The following WDR33 variants were observed in gnomAD, a reference collection of about 807,000 sequenced individuals.
The protein encoded by WDR33 is pre-mRNA 3' end processing protein WDR33.
In WDR33, 47 loss-of-function variants were observed where a neutral mutation model predicts 164.9. The ratio of observed to expected loss-of-function variants is 0.29; its 90% CI spans 0.23 to 0.36. The LOEUF (loss-of-function observed/expected upper bound fraction) is 0.36, where lower values mean the gene tolerates loss of function less well. Among genes scored for constraint, WDR33 ranks in the 10% least tolerant of loss-of-function variants. The pLI is 1.00. For missense variants in WDR33, 1,137 were observed against 1,754.1 expected (o/e 0.65, Z 6.28); for synonymous variants, 505 against 589.0 (o/e 0.86, Z 2.06).
Position 127,722,452 on chromosome 2 carries a change from A to T in WDR33, c.1518+139T>A. On this transcript the variant is annotated intron_variant, in intron 14 of 21. Transcript: ENST00000322313. The surrounding 1 kb of genome is among the most constrained non-coding windows in gnomAD (Gnocchi z 5.1). The stretch of plus-strand genomic sequence containing the variant: ...TACAACTGCAAAGCAGTAGATGAGA[A>T]CCATGTCTAAGAGTACGTGAACATG... 1 of 1,198,474 alleles carries T rather than the reference A, an allele frequency of 8.3e-7. No homozygotes were observed. The highest frequency in any genetic ancestry group is 2.5e-5 in the Admixed American group (1 of 39,844). The allele number at this position is 1,198,474 out of a possible 1,614,324, so 74.2% of individuals were successfully genotyped here.
At chr2:127,742,044 T>C (rs1687032153) in intron 7 of WDR33, among the ~76,000 whole-genome samples, 1 of 150,856 alleles carries the variant, frequency 6.6e-6, no homozygotes, top group Non-Finnish European at 1.5e-5. Flanking sequence ...CTACTAAAAA[T>C]ACAAAAAATT....
chr2:127,791,053 A>G (rs928204734), intron 1 of WDR33, among the ~76,000 whole-genome samples: 2 of 151,914 alleles, frequency 1.3e-5, no homozygotes, highest in Non-Finnish European at 2.9e-5. Flanking sequence ...AGTCAAAATT[A>G]GGCTCCATGG....
rs910955937 is a variant in WDR33 at position 127,735,956 on chromosome 2, G to T, written c.725-9179C>A. ...TAAATGGAAAGTTAATTCTGGAAAG[G>T]GGGTATGCCTAGGCAGGGCAGTGTT... On this transcript the variant is annotated intron_variant, in intron 7 of 21. Coordinates refer to ENST00000322313, the MANE Select transcript of WDR33 (RefSeq NM_018383.5). The surrounding 1 kb of genome is among the most constrained non-coding windows in gnomAD (Gnocchi z 4.3). 2.0e-6 allele frequency: 2 copies of T among 985,286 alleles called. No individual in the cohort carries two copies. Among genetic ancestry groups the T allele is most frequent in the East Asian group, 2.3e-4 (2 of 8,832 alleles). The allele number at this position is 985,286 out of a possible 1,614,324, so 61.0% of individuals were successfully genotyped here.
At chr2:127,729,003 T>C (rs1461008577) in intron 7 of WDR33, among the ~76,000 whole-genome samples, 1 of 152,176 alleles carries the variant, frequency 6.6e-6, no homozygotes, top group African/African-American at 2.4e-5. Flanking sequence ...TTTCTAATGT[T>C]CTCTAAAATT....
intron 1 of WDR33, among the ~76,000 whole-genome samples, chr2:127,801,492 A>AAAAC (rs774475467): frequency 1.4e-5 from 2 of 146,254 alleles, no homozygotes; most frequent in Non-Finnish European, 3.0e-5. Flanking sequence ...CTGTCTCTAA[A>AAAAC]AAACAAACAA....
Position 127,713,057 on chromosome 2 carries a change from T to C in WDR33, c.3308+526A>G, listed in dbSNP as rs1181111394. ...CAGGCGTGAGCCACTGGTCCTGGGC[T>C]AATTCCTGTTTCTTTCTCCACATTT... On this transcript the variant is annotated intron_variant, in intron 18 of 21. Coordinates refer to ENST00000322313, the MANE Select transcript of WDR33 (RefSeq NM_018383.5). The surrounding 1 kb of genome is among the most constrained non-coding windows in gnomAD (Gnocchi z 6.2). Among the ~76,000 whole-genome samples, 4 of 152,344 alleles carry C rather than the reference T, an allele frequency of 2.6e-5. No homozygotes were observed. Among genetic ancestry groups the C allele is most frequent in the East Asian group, 3.9e-4 (2 of 5,188 alleles).
At chr2:127,807,194 T>G (rs1367999805) in intron 1 of WDR33, among the ~76,000 whole-genome samples, 1 of 152,072 alleles carries the variant, frequency 6.6e-6, no homozygotes, top group African/African-American at 2.4e-5. Context: ...TTAGTAGGGA[T>G]GGGGTTTCAC....
At position 127,705,549 on chromosome 2, in the gene WDR33, C is replaced by G. The variant is rs1376432933; in HGVS notation, c.*774G>C. 6 of 152,204 alleles carry G rather than the reference C, an allele frequency of 3.9e-5. No homozygotes were observed. The highest frequency in any genetic ancestry group is 3.9e-4 in the Admixed American group (6 of 15,278). The allele number at this position is 152,204 out of a possible 1,614,324, so 9.4% of individuals were successfully genotyped here. A position where few individuals can be genotyped will look rare whatever the true frequency, so the allele number is the denominator to read the frequency against. Reference sequence around the variant, plus strand: ...CTGACTAACATCAAGTTCCTCTCCTCATCATAACAAGGCGATTCAAACCTA... The same window carrying G: ...CTGACTAACATCAAGTTCCTCTCCTGATCATAACAAGGCGATTCAAACCTA... On this transcript the variant is annotated 3_prime_UTR_variant, in exon 22 of 22. Coordinates refer to ENST00000322313, the MANE Select transcript of WDR33 (RefSeq NM_018383.5). This position sits in a 1 kb window ranked among gnomAD's most constrained non-coding sequence, Gnocchi z 4.5.
intron 8 of WDR33, among the ~76,000 whole-genome samples, chr2:127,725,983 C>G (rs1686564055): frequency 6.6e-6 from 1 of 152,146 alleles, no homozygotes; most frequent in Non-Finnish European, 1.5e-5. Context: ...CTGGCCTGCA[C>G]AATGGATATC....
intron 18 of WDR33, among the ~76,000 whole-genome samples, chr2:127,711,599 A>C (rs977732513): frequency 6.7e-6 from 1 of 149,862 alleles, no homozygotes; most frequent in African/African-American, 2.5e-5. Flanking sequence ...GGGAGCCCTT[A>C]CGTCTTTATT....
chr2:127,707,855 T>C (rs1015623642), intron 21 of WDR33, among the ~76,000 whole-genome samples: 5 of 152,172 alleles, frequency 3.3e-5, no homozygotes, highest in African/African-American at 4.8e-5. Flanking sequence ...CTGGGGAGAC[T>C]GAGGCACAAG....
intron 7 of WDR33, among the ~76,000 whole-genome samples, chr2:127,750,923 T>C (rs1398498088): frequency 6.6e-6 from 1 of 151,434 alleles, no homozygotes; most frequent in Non-Finnish European, 1.5e-5. Flanking sequence ...CCTGCTAGAA[T>C]TTAAAAAACT....
In WDR33 at chr2:127,712,375, A is replaced by G. The variant is rs1167777277; in HGVS notation, c.3308+1208T>C. 6.6e-6 allele frequency among the ~76,000 whole-genome samples: 1 copy of G among 151,868 alleles called. No individual in the cohort carries two copies. Among genetic ancestry groups the G allele is most frequent in the Non-Finnish European group, 1.5e-5 (1 of 67,946 alleles). Reference sequence around the variant, plus strand: ...CGTGCCACTGCACTCCAGCCTGGCAACAGAGCAAGACTCCGTCTCAAGAAG... The same window carrying G: ...CGTGCCACTGCACTCCAGCCTGGCAGCAGAGCAAGACTCCGTCTCAAGAAG... On this transcript the variant is annotated intron_variant, in intron 18 of 21. Transcript: ENST00000322313. The surrounding 1 kb of genome is among the most constrained non-coding windows in gnomAD (Gnocchi z 4.0).
chr2:127,737,817 T>TTAA (rs760757039), intron 7 of WDR33: 8 of 1,354,938 alleles, frequency 5.9e-6, no homozygotes, highest in Non-Finnish European at 6.6e-6. Flanking sequence ...AAGGATACAC[T>TTAA]TCTTTTTAAT....
At chr2:127,757,364 TTAAA>T (rs2105424865) in intron 7 of WDR33, among the ~76,000 whole-genome samples, 1 of 152,326 alleles carries the variant, frequency 6.6e-6, no homozygotes, top group South Asian at 2.1e-4. Flanking sequence ...ACAAACTTGT[TTAAA>T]TAATGTGCTT....
At position 127,764,642 on chromosome 2, in the gene WDR33, A is replaced by G. The variant is rs981568199; in HGVS notation, c.626+186T>C. ...TTGCAAAGGCTGATACCGGGACAAC[A>G]CTACTTCAGAAAGGTGCCAGCAAAA... On this transcript the variant is annotated intron_variant, in intron 6 of 21. Coordinates refer to ENST00000322313, the MANE Select transcript of WDR33 (RefSeq NM_018383.5). This position sits in a 1 kb window ranked among gnomAD's most constrained non-coding sequence, Gnocchi z 6.2. The G allele has an allele frequency of 1.9e-6, 3 of 1,559,202 alleles. No individual in the cohort carries two copies. Among genetic ancestry groups the G allele is most frequent in the South Asian group, 2.3e-5 (2 of 85,454 alleles).
In WDR33 at chr2:127,703,944, C is replaced by T. The variant is rs1685953449; in HGVS notation, c.*2379G>A. The T allele has an allele frequency of 6.0e-6, 1 of 166,696 alleles. No homozygotes were observed. The highest frequency in any genetic ancestry group is 1.5e-5 in the Non-Finnish European group (1 of 68,098). 10.3% of individuals were successfully genotyped at this position (166,696 alleles called of 1,614,324 possible). On this transcript the variant is annotated 3_prime_UTR_variant, in exon 22 of 22. Coordinates refer to ENST00000322313, the MANE Select transcript of WDR33 (RefSeq NM_018383.5). ...ACCAGCCTGGGCAACACAGTTAAAC[C>T]CCATCGCCACAGAAAATCTTCAAAA...
intron 4 of WDR33, 24 bp downstream of exon 4, chr2:127,768,165 C>T: frequency 7.0e-7 from 1 of 1,427,386 alleles, no homozygotes. Context: ...AATTTTCCCC[C>T]AAAATATCCA....
At position 127,701,805 on chromosome 2, in the gene WDR33, C is replaced by G; in HGVS notation, c.*4518G>C. 1 of 1,456,228 alleles carries G rather than the reference C, an allele frequency of 6.9e-7. No homozygotes were observed. The highest frequency in any genetic ancestry group is 9.0e-7 in the Non-Finnish European group (1 of 1,108,344). The allele number at this position is 1,456,228 out of a possible 1,614,324, so 90.2% of individuals were successfully genotyped here. On this transcript the variant is annotated 3_prime_UTR_variant, in exon 22 of 22. Coordinates refer to ENST00000322313, the MANE Select transcript of WDR33 (RefSeq NM_018383.5). ...GCTGCTGGCTGCACTGTGTTTCGGC[C>G]TAGCCGCGCTCTACGCACCGGTGTT...
Sources: gnomAD v4.1 joint callset for allele counts (sites outside exome capture counted in the v4.1 genomes callset) on GRCh38, gnomAD v4.1.1 for gene constraint, Gnocchi (gnomAD v3.1) non-coding constraint, MANE v1.5 for transcripts, NCBI Gene and HGNC (gene_info 2026-07-23, HGNC 2026-07-21) for gene names.